The following SYTL5 variants were observed in gnomAD, a reference collection of about 807,000 sequenced individuals.
SYTL5 encodes synaptotagmin-like protein 5.
Under a neutral mutation model 55.9 loss-of-function variants are expected in SYTL5, and 34 were observed. That is an observed-to-expected ratio of 0.61 (90% CI 0.46 to 0.81). The LOEUF (loss-of-function observed/expected upper bound fraction) is 0.81. Among genes scored for constraint, SYTL5 ranks in the 30% least tolerant of loss-of-function variants. The pLI, the probability that SYTL5 is intolerant of heterozygous loss-of-function variation, is 0.00. For missense variants in SYTL5, 637 were observed against 546.7 expected (o/e 1.17, Z -1.65); for synonymous variants, 221 against 188.7 (o/e 1.17, Z -1.40).
intron 6 of SYTL5, 68 bp downstream of exon 6, chrX:38,076,769 G>A: frequency 2.9e-6 from 3 of 1,052,366 alleles, no homozygotes; most frequent in South Asian, 4.2e-5. Flanking sequence ...CATTCATAGG[G>A]GGATTTTAGG....
the SYTL5 span, among the ~76,000 whole-genome samples, chrX:37,944,960 C>T: frequency 1.7e-3 from 196 of 112,299 alleles, 1 homozygote; most frequent in Non-Finnish European, 1.7e-3. Flanking sequence ...GTACAACTTC[C>T]TATACTAATA....
chrX:38,076,818 A>G (rs1272295463), intron 6 of SYTL5, 117 bp downstream of exon 6: 1 of 753,247 alleles, frequency 1.3e-6, no homozygotes, highest in Non-Finnish European at 1.9e-6. Flanking sequence ...CTCCTAACAC[A>G]TAATGTGAAA....
the SYTL5 span, among the ~76,000 whole-genome samples, chrX:37,938,591 G>A: frequency 9.0e-6 from 1 of 111,395 alleles, no homozygotes; most frequent in Non-Finnish European, 1.9e-5. Flanking sequence ...CATTCATTGT[G>A]TCATTTTGTC....
At chrX:38,072,188 AC>A in intron 4 of SYTL5, 26 bp downstream of exon 4, 1 of 1,097,606 alleles carries the variant, frequency 9.1e-7, no homozygotes, top group Non-Finnish European at 1.3e-6. Flanking sequence ...ATGTGGTTTC[AC>A]AACTGTTTTC....
At chrX:37,948,300 G>A in the SYTL5 span, among the ~76,000 whole-genome samples, 1 of 110,026 alleles carries the variant, frequency 9.1e-6, no homozygotes, top group Admixed American at 9.8e-5. Flanking sequence ...AATATTAGTT[G>A]TTCTAGAATT....
At chrX:38,043,431 A>G (rs1414363417) in intron 2 of SYTL5, among the ~76,000 whole-genome samples, 1 of 106,974 alleles carries the variant, frequency 9.3e-6, no homozygotes, top group East Asian at 2.9e-4. Flanking sequence ...TGGAAATTGC[A>G]TGAAATTTAC....
chrX:37,972,506 G>T, the SYTL5 span, among the ~76,000 whole-genome samples: 1 of 111,529 alleles, frequency 9.0e-6, no homozygotes, highest in East Asian at 2.8e-4. Context: ...CCGGTTTCGG[G>T]CAACTCCTTC....
At chrX:37,986,577 C>G in the SYTL5 span, among the ~76,000 whole-genome samples, 1 of 111,965 alleles carries the variant, frequency 8.9e-6, no homozygotes, top group Non-Finnish European at 1.9e-5. Context: ...GTTTTTACTT[C>G]TTCTTTCTTT....
chrX:38,047,404 C>A (rs1935496970), intron 2 of SYTL5, among the ~76,000 whole-genome samples: 1 of 113,127 alleles, frequency 8.8e-6, no homozygotes, highest in South Asian at 3.6e-4. Flanking sequence ...AGGCTTGGGG[C>A]TTGCACCCTC....
chrX:38,025,535 C>A (rs893032120), intron 1 of SYTL5, among the ~76,000 whole-genome samples: 1 of 111,950 alleles, frequency 8.9e-6, no homozygotes, highest in Non-Finnish European at 1.9e-5. Context: ...ACATACAAAG[C>A]ATCTTGCCAT....
At chrX:37,942,569 C>T in the SYTL5 span, among the ~76,000 whole-genome samples, 1 of 111,962 alleles carries the variant, frequency 8.9e-6, no homozygotes, top group African/African-American at 3.2e-5. Context: ...GCACCATTCT[C>T]TGCTAAGCTC....
At chrX:37,921,302 T>G in the SYTL5 span, among the ~76,000 whole-genome samples, 1 of 111,588 alleles carries the variant, frequency 9.0e-6, no homozygotes, top group African/African-American at 3.3e-5. Context: ...CTGTCTTTCC[T>G]GATGCCCAGG....
the SYTL5 span, among the ~76,000 whole-genome samples, chrX:37,906,768 A>G: frequency 8.9e-6 from 1 of 112,320 alleles, no homozygotes; most frequent in Non-Finnish European, 1.9e-5. Context: ...AAATTTTAGA[A>G]GACTATTGCT....
chrX:38,001,799 T>G (rs750993964), upstream of SYTL5, among the ~76,000 whole-genome samples: 10 of 111,788 alleles, frequency 8.9e-5, no homozygotes, highest in Admixed American at 3.8e-4. Flanking sequence ...TTCCTTTCTT[T>G]TAGTTATATA....
At chrX:38,014,461 A>C (rs1249222923) in intron 1 of SYTL5, among the ~76,000 whole-genome samples, 1 of 112,214 alleles carries the variant, frequency 8.9e-6, no homozygotes, top group African/African-American at 3.2e-5. Context: ...ATTGTAAACC[A>C]AAAGGTATCT....
intron 3 of SYTL5, among the ~76,000 whole-genome samples, chrX:38,070,047 T>A (rs995550252): frequency 1.8e-5 from 2 of 111,864 alleles, no homozygotes; most frequent in African/African-American, 6.5e-5. Flanking sequence ...AAATCTATGG[T>A]AGACAAACTA....
At chrX:37,912,410 T>G in the SYTL5 span, among the ~76,000 whole-genome samples, 2 of 112,196 alleles carry the variant, frequency 1.8e-5, no homozygotes, top group Non-Finnish European at 3.8e-5. Flanking sequence ...ACATGTTCAT[T>G]GCCTTCAGGG....
chrX:37,979,790 TTTTTTTAAATTTTC>T, the SYTL5 span, among the ~76,000 whole-genome samples: 2 of 107,363 alleles, frequency 1.9e-5, no homozygotes, highest in Admixed American at 2.0e-4. Context: ...TGACCATTTC[TTTTTTTAAATTTTC>T]TTTTCTTTTC....
the SYTL5 span, among the ~76,000 whole-genome samples, chrX:37,989,539 G>A: frequency 8.9e-6 from 1 of 111,862 alleles, no homozygotes; most frequent in African/African-American, 3.3e-5. Flanking sequence ...TAGGATCAGA[G>A]TCATCAAAGG....
Sources: gnomAD v4.1 joint callset for allele counts (sites outside exome capture counted in the v4.1 genomes callset) on GRCh38, gnomAD v4.1.1 for gene constraint, MANE v1.5 for transcripts, NCBI Gene and HGNC (gene_info 2026-07-23, HGNC 2026-07-21) for gene names.